The following RBFOX1 variants were observed in gnomAD, a reference collection of about 807,000 sequenced individuals.
RBFOX1 encodes the protein RNA binding fox-1 homolog 1, also known as RNA binding protein fox-1 homolog 1.
RBFOX1 carries 8 observed loss-of-function variants against 57.7 expected under a neutral mutation model. The ratio of observed to expected loss-of-function variants is 0.14; its 90% CI spans 0.08 to 0.25. RBFOX1 has a LOEUF of 0.25. Ranked by LOEUF, RBFOX1 falls within the 10% of genes least tolerant of loss-of-function variation. The probability of loss-of-function intolerance (pLI) is 1.00; values close to 1 mark genes in which losing one functional copy is unlikely to be tolerated. For synonymous variants in RBFOX1, 326 were observed against 222.4 expected (o/e 1.47, Z -4.15); for missense variants, 611 against 548.5 (o/e 1.11, Z -1.14).
intron 3 of RBFOX1, among the ~76,000 whole-genome samples, chr16:5,682,893 A>C (rs929738254): frequency 6.6e-6 from 1 of 152,196 alleles, no homozygotes; most frequent in Non-Finnish European, 1.5e-5. Context: ...GCCATGAAAC[A>C]GCTGTGGAAG....
intron 2 of RBFOX1, among the ~76,000 whole-genome samples, chr16:5,561,700 T>C (rs891200664): frequency 7.9e-5 from 12 of 152,190 alleles, no homozygotes; most frequent in Non-Finnish European, 1.5e-5. Context: ...CTTTTAATTA[T>C]CTTATCTCCA....
At chr16:7,352,923 C>T (rs1472836494) in intron 4 of RBFOX1, among the ~76,000 whole-genome samples, 1 of 152,050 alleles carries the variant, frequency 6.6e-6, no homozygotes, top group Non-Finnish European at 1.5e-5. Flanking sequence ...ACCATGTTGC[C>T]TACGCTGGTA....
At chr16:6,412,406 C>T (rs1177550945) in intron 2 of RBFOX1, among the ~76,000 whole-genome samples, 2 of 152,150 alleles carry the variant, frequency 1.3e-5, no homozygotes, top group African/African-American at 4.8e-5. Flanking sequence ...CCTTATTAGT[C>T]TCTCTGGTTG....
At chr16:5,964,313 C>T (rs1028492516) in intron 4 of RBFOX1, among the ~76,000 whole-genome samples, 1 of 152,098 alleles carries the variant, frequency 6.6e-6, no homozygotes, top group Non-Finnish European at 1.5e-5. Flanking sequence ...TAAATTGGTA[C>T]AGCCATTATG....
intron 1 of RBFOX1, among the ~76,000 whole-genome samples, chr16:5,296,517 C>G (rs774472062): frequency 6.6e-6 from 1 of 151,800 alleles, no homozygotes; most frequent in African/African-American, 2.4e-5. Context: ...CGAGACAAAT[C>G]CTTGGTTCTC....
intron 2 of RBFOX1, among the ~76,000 whole-genome samples, chr16:6,372,326 G>T (rs1049284717): frequency 3.3e-5 from 5 of 151,994 alleles, no homozygotes; most frequent in African/African-American, 1.2e-4. Flanking sequence ...TGGTTGGGTG[G>T]AGTGGAGACT....
chr16:5,993,750 AT>A (rs2060446135), intron 4 of RBFOX1, among the ~76,000 whole-genome samples: 1 of 152,074 alleles, frequency 6.6e-6, no homozygotes, highest in South Asian at 2.1e-4. Context: ...GTATCGCTGC[AT>A]TTTCCTGAGC....
At chr16:6,043,193 G>A (rs2095459128) in intron 1 of RBFOX1, among the ~76,000 whole-genome samples, 1 of 137,798 alleles carries the variant, frequency 7.3e-6, no homozygotes. Context: ...CCAACATCTT[G>A]TTACGTAGGT....
chr16:5,984,968 ATATATATATTT>A lies in RBFOX1; in HGVS notation c.351+117635_351+117645del, dbSNP rs553735436. Among the ~76,000 whole-genome samples, 504 of 55,634 alleles carry A rather than the reference ATATATATATTT, an allele frequency of 9.1e-3. 4 individuals carry two copies. Among genetic ancestry groups the A allele is most frequent in the Middle Eastern group, 0.038 (3 of 78 alleles). The allele number at this position is 55,634 out of a possible 152,430, so 36.5% of individuals were successfully genotyped here. ...CCATTATATATATATATATATATATATATATATATTTTTTTTTTTTTTTTTTTTCTTTGAGA... is the reference window on the plus strand; with the variant it reads ...CCATTATATATATATATATATATATATTTTTTTTTTTTTTTTTCTTTGAGA... On this transcript the variant is annotated intron_variant, in intron 4 of 19. Coordinates refer to the RBFOX1 transcript ENST00000641259.
intron 2 of RBFOX1, among the ~76,000 whole-genome samples, chr16:6,478,728 G>C (rs775626772): frequency 1.6e-4 from 25 of 152,008 alleles, no homozygotes; most frequent in Admixed American, 3.3e-4. Flanking sequence ...AGGCCAAGGA[G>C]AGGGAGCGAG....
chr16:5,835,813 G>T (rs1356150613), intron 3 of RBFOX1, among the ~76,000 whole-genome samples: 1 of 152,116 alleles, frequency 6.6e-6, no homozygotes, highest in East Asian at 1.9e-4. Context: ...TTTTTCTGGG[G>T]GACAATTGAT....
chr16:5,817,147 T>C (rs1335618623), intron 3 of RBFOX1, among the ~76,000 whole-genome samples: 1 of 152,234 alleles, frequency 6.6e-6, no homozygotes, highest in Admixed American at 6.5e-5. Context: ...CAGCGTCGTC[T>C]TGCACTCTTG....
chr16:6,541,025 C>T (rs956457832), intron 2 of RBFOX1, among the ~76,000 whole-genome samples: 1 of 152,054 alleles, frequency 6.6e-6, no homozygotes, highest in Non-Finnish European at 1.5e-5. Flanking sequence ...GAATCAAGTT[C>T]TTATATAAAG....
At position 5,698,097 on chromosome 16, in the gene RBFOX1, A is replaced by T. The variant is rs2050907082; in HGVS notation, c.318+99136A>T. ...TTGGACTAAACATTATTTTATCATGATGTATTATTATTTTTAGACTCTGAT... is the reference window on the plus strand; with the variant it reads ...TTGGACTAAACATTATTTTATCATGTTGTATTATTATTTTTAGACTCTGAT... On this transcript the variant is annotated intron_variant, in intron 3 of 19. Transcript: ENST00000641259. Among the ~76,000 whole-genome samples the T allele has an allele frequency of 4.6e-5, 7 of 152,020 alleles. No homozygotes were observed. In the South Asian group the frequency reaches 1.5e-3, roughly 32 times the overall value.
chr16:6,657,735 T>A (rs530164116), intron 3 of RBFOX1, among the ~76,000 whole-genome samples: 2 of 152,260 alleles, frequency 1.3e-5, no homozygotes, highest in East Asian at 1.9e-4. Context: ...AGTAAACCTG[T>A]CTCTGAAGCG....
At chr16:5,251,689 T>A (rs1029444549) in intron 1 of RBFOX1, among the ~76,000 whole-genome samples, 15 of 152,086 alleles carry the variant, frequency 9.9e-5, no homozygotes, top group African/African-American at 2.7e-4. Flanking sequence ...GAATTCAAAT[T>A]GAATGGAAAA....
chr16:6,483,532 A>C, intron 2 of RBFOX1: 1 of 1,534,608 alleles, frequency 6.5e-7, no homozygotes. Context: ...CAGTCGTGGG[A>C]GATGCCCTTC....
intron 1 of RBFOX1, among the ~76,000 whole-genome samples, chr16:6,251,349 T>C (rs1219274886): frequency 6.6e-6 from 1 of 152,120 alleles, no homozygotes; most frequent in African/African-American, 2.4e-5. Context: ...ATTATTATTC[T>C]CCTGTTACAG....
chr16:7,557,484 G>C (rs930259505), intron 5 of RBFOX1, among the ~76,000 whole-genome samples: 2 of 151,566 alleles, frequency 1.3e-5, no homozygotes, highest in Non-Finnish European at 2.9e-5. Context: ...GCCAGGCATG[G>C]TGGTGGGTGC....
Sources: allele counts gnomAD v4.1 joint callset (sites outside exome capture counted in the v4.1 genomes callset), GRCh38; gene constraint gnomAD v4.1.1; transcripts MANE v1.5; gene names NCBI Gene and HGNC (gene_info 2026-07-23, HGNC 2026-07-21).